The following SLC35H1 variants were observed in gnomAD, a reference collection of about 807,000 sequenced individuals.
SLC35H1 encodes the protein ovarian cancer-overexpressed gene 1 protein.
the SLC35H1 span, among the ~76,000 whole-genome samples, chr20:46,362,658 C>T: frequency 4.2e-4 from 64 of 152,312 alleles, no homozygotes; most frequent in South Asian, 0.012. Context: ...CCAGAGGACC[C>T]CGCACTGCCA....
At chr20:46,357,559 G>A in the SLC35H1 span, 5 of 1,567,690 alleles carry the variant, frequency 3.2e-6, no homozygotes, top group Admixed American at 1.8e-5. Context: ...TGTCTCTCTT[G>A]TTCTCATCCT....
the SLC35H1 span, chr20:46,358,626 C>A: frequency 1.3e-6 from 2 of 1,565,900 alleles, no homozygotes; most frequent in Non-Finnish European, 1.7e-6. Context: ...CGTCTCCAGG[C>A]TGGAGGAGCT....
the SLC35H1 span, among the ~76,000 whole-genome samples, chr20:46,361,799 G>C: frequency 4.6e-5 from 7 of 152,320 alleles, no homozygotes; most frequent in African/African-American, 1.7e-4. Flanking sequence ...GCACTCACAG[G>C]ACATGCTGGC....
At chr20:46,350,686 TC>T in the SLC35H1 span, 2 of 1,569,212 alleles carry the variant, frequency 1.3e-6, no homozygotes, top group Non-Finnish European at 1.7e-6. Context: ...CGGGCACACT[TC>T]CTGCATCAGA....
the SLC35H1 span, chr20:46,354,891 C>T: frequency 1.9e-6 from 3 of 1,605,154 alleles, no homozygotes; most frequent in East Asian, 2.2e-5. Context: ...CCTTCAAATA[C>T]AGCAAAGAGA....
At chr20:46,358,554 C>T in the SLC35H1 span, 1 of 1,613,974 alleles carries the variant, frequency 6.2e-7, no homozygotes, top group Non-Finnish European at 8.5e-7. Context: ...GGGGCAGGCA[C>T]CCCTCTTGAA....
the SLC35H1 span, among the ~76,000 whole-genome samples, chr20:46,353,501 T>C: frequency 6.6e-5 from 10 of 152,226 alleles, no homozygotes; most frequent in African/African-American, 2.2e-4. Flanking sequence ...ACGAGTATTT[T>C]GAGATTTTTG....
the SLC35H1 span, chr20:46,355,199 G>A: frequency 6.2e-7 from 1 of 1,614,014 alleles, no homozygotes; most frequent in Non-Finnish European, 8.5e-7. This position sits in a 1 kb window ranked among gnomAD's most constrained non-coding sequence, Gnocchi z 4.8. Context: ...AACATGAAGA[G>A]ACCCCCGGCG....
the SLC35H1 span, among the ~76,000 whole-genome samples, chr20:46,357,371 C>T: frequency 6.6e-6 from 1 of 152,342 alleles, no homozygotes; most frequent in African/African-American, 2.4e-5. Context: ...TGTCTGCTGG[C>T]AGGAGAGGGA....
At chr20:46,354,927 G>A in the SLC35H1 span, 1 of 1,613,380 alleles carries the variant, frequency 6.2e-7, no homozygotes, top group Non-Finnish European at 8.5e-7. Flanking sequence ...AACATGAGTG[G>A]CTGCAGGTGG....
the SLC35H1 span, chr20:46,346,887 C>G: frequency 8.7e-6 from 1 of 114,298 alleles, no homozygotes; most frequent in Non-Finnish European, 1.8e-5. Context: ...AACTCCATGT[C>G]AAAAAAAAAA....
At chr20:46,350,834 C>T in the SLC35H1 span, 1 of 1,614,094 alleles carries the variant, frequency 6.2e-7, no homozygotes, top group African/African-American at 1.3e-5. Context: ...CCAGCCAGTT[C>T]AGGAGGCTGA....
the SLC35H1 span, chr20:46,352,377 TA>T: frequency 4.3e-6 from 3 of 701,572 alleles, no homozygotes; most frequent in African/African-American, 3.6e-5. Context: ...ATGGAAGGTA[TA>T]AAGTGATCCC....
chr20:46,350,236 G>C, the SLC35H1 span: 1 of 810,244 alleles, frequency 1.2e-6, no homozygotes, highest in Admixed American at 2.9e-5. Context: ...GGCTCTGAAG[G>C]GAGGGGCAAA....
the SLC35H1 span, among the ~76,000 whole-genome samples, chr20:46,362,580 A>G: frequency 6.6e-6 from 1 of 152,140 alleles, no homozygotes; most frequent in Non-Finnish European, 1.5e-5. Context: ...GGCATCAGGT[A>G]CAGCATTAAA....
the SLC35H1 span, chr20:46,355,757 G>C: frequency 1.9e-6 from 3 of 1,612,918 alleles, no homozygotes; most frequent in Non-Finnish European, 2.5e-6. The surrounding 1 kb of genome is among the most constrained non-coding windows in gnomAD (Gnocchi z 4.8). Context: ...TTTATTCTTA[G>C]CATCTGTGGG....
chr20:46,349,114 C>A, the SLC35H1 span: 1 of 152,388 alleles, frequency 6.6e-6, no homozygotes, highest in Middle Eastern at 3.4e-3. Context: ...TCTGGATAGC[C>A]GTGGCAGGGC....
the SLC35H1 span, chr20:46,355,719 C>T: frequency 6.3e-7 from 1 of 1,594,784 alleles, no homozygotes; most frequent in Non-Finnish European, 8.5e-7. The surrounding 1 kb of genome is among the most constrained non-coding windows in gnomAD (Gnocchi z 4.8). Flanking sequence ...TGTCACACAG[C>T]AGGACAAGCC....
At chr20:46,350,154 C>T in the SLC35H1 span, 980 of 359,766 alleles carry the variant, frequency 2.7e-3, 8 homozygotes, top group African/African-American at 0.017. Flanking sequence ...TCTCCTGCTG[C>T]GATTCCAGCG....
Sources: allele counts gnomAD v4.1 joint callset (sites outside exome capture counted in the v4.1 genomes callset), GRCh38; gene constraint gnomAD v4.1.1; non-coding constraint Gnocchi (gnomAD v3.1); transcripts MANE v1.5; gene names NCBI Gene and HGNC (gene_info 2026-07-23, HGNC 2026-07-21).